The following SLC6A15 variants were observed in gnomAD, a reference collection of about 807,000 sequenced individuals.
SLC6A15 encodes solute carrier family 6 member 15, also known as sodium-dependent neutral amino acid transporter B(0)AT2.
SLC6A15 carries 33 observed loss-of-function variants against 68.5 expected under a neutral mutation model. That is an observed-to-expected ratio of 0.48 (90% CI 0.37 to 0.64). SLC6A15 has a LOEUF of 0.64. Ranked by LOEUF, SLC6A15 falls within the 30% of genes least tolerant of loss-of-function variation. The pLI, the probability that SLC6A15 is intolerant of heterozygous loss-of-function variation, is 0.00. For missense variants in SLC6A15, 747 were observed against 874.3 expected (o/e 0.85, Z 1.84); for synonymous variants, 347 against 301.0 (o/e 1.15, Z -1.58).
At chr12:84,862,124 T>G (rs977629754) in intron 11 of SLC6A15, 118 bp from the exon 12 acceptor site, 3 of 1,047,194 alleles carry the variant, frequency 2.9e-6, no homozygotes, top group Non-Finnish European at 4.1e-6. Flanking sequence ...TGACTTGCTT[T>G]GACCAATAGA....
intron 1 of SLC6A15, among the ~76,000 whole-genome samples, chr12:84,893,419 T>C (rs1016521): frequency 0.26 from 40,080 of 152,006 alleles, 5,740 homozygotes; most frequent in Middle Eastern, 0.44. Flanking sequence ...TGGGATTTTT[T>C]TTTTCCTTTC....
At chr12:84,887,925 A>C (rs117977036) in intron 2 of SLC6A15, among the ~76,000 whole-genome samples, 1 of 152,108 alleles carries the variant, frequency 6.6e-6, no homozygotes, top group Non-Finnish European at 1.5e-5. Context: ...AAAAGTTATT[A>C]TATGAAAAAG....
chr12:84,895,296 C>G (rs1304669302), intron 1 of SLC6A15, among the ~76,000 whole-genome samples: 1 of 146,030 alleles, frequency 6.8e-6, no homozygotes, highest in Non-Finnish European at 1.5e-5. Context: ...GATCATATAA[C>G]TAAACAAGTA....
chr12:84,906,867 C>T (rs1873181665), intron 1 of SLC6A15, among the ~76,000 whole-genome samples: 1 of 151,418 alleles, frequency 6.6e-6, no homozygotes, highest in African/African-American at 2.4e-5. Flanking sequence ...TAGGGTTAAC[C>T]AAAGAGCTCT....
intron 10 of SLC6A15, among the ~76,000 whole-genome samples, chr12:84,864,834 A>G (rs1260229990): frequency 6.6e-6 from 1 of 152,160 alleles, no homozygotes; most frequent in East Asian, 1.9e-4. Context: ...TTCCAAAAAT[A>G]TAATATAATA....
rs1395602309 is a variant in SLC6A15, at chr12:84,885,896, C to A, written c.447+15G>T. ...CTATAAAGATTACAGCATACACCAA[C>A]AAAAGGAAACTTACTACACAACTTG... On this transcript the variant is annotated intron_variant, in intron 3 of 11. Transcript: ENST00000266682. The A allele has an allele frequency of 1.3e-6, 2 of 1,594,252 alleles. No homozygotes were observed. The highest frequency in any genetic ancestry group is 2.3e-5 in the South Asian group (2 of 87,292).
At chr12:84,891,525 A>C (rs1458660631) in intron 2 of SLC6A15, among the ~76,000 whole-genome samples, 16 of 152,190 alleles carry the variant, frequency 1.1e-4, no homozygotes, top group Non-Finnish European at 4.4e-5. Flanking sequence ...AATAATTTAC[A>C]AGCACAAACG....
Position 84,870,582 on chromosome 12 carries a change from A to G in SLC6A15, c.1391T>C (p.Phe464Ser). Reference sequence around the variant, plus strand: ...AAGGCCTAGATTGACCAGCATGAGGAAAAACATCACTGACCAGAAGGGAGA... The same window carrying G: ...AAGGCCTAGATTGACCAGCATGAGGGAAAACATCACTGACCAGAAGGGAGA... The part of the protein sequence containing the change: ...PASPFWSVMF[F>S]LMLVNLGLGS... The change falls in exon 9 of 12, where the codon TTC becomes TCC. Residue 464 changes from phenylalanine (F) to serine (S), a missense_variant. Transcript: ENST00000266682. The G allele has an allele frequency of 6.2e-7, 1 of 1,612,850 alleles. No homozygotes were observed. Among genetic ancestry groups the G allele is most frequent in the Admixed American group, 1.7e-5 (1 of 59,832 alleles).
chr12:84,908,496 C>T (rs141994891), intron 1 of SLC6A15, among the ~76,000 whole-genome samples: 3 of 151,142 alleles, frequency 2.0e-5, no homozygotes, highest in African/African-American at 7.3e-5. Context: ...AAAACTCTAC[C>T]AAAGGTGTTT....
intron 6 of SLC6A15, 24 bp downstream of exon 6, chr12:84,876,473 C>A (rs772033765): frequency 1.7e-6 from 2 of 1,170,698 alleles, no homozygotes; most frequent in Non-Finnish European, 2.5e-6. Context: ...GATCATAAGC[C>A]TTAAATAGAA....
In SLC6A15 at chr12:84,876,583, G is replaced by C. The variant is rs1871557471; in HGVS notation, c.781C>G (p.Pro261Ala). 1 of 1,573,542 alleles carries C rather than the reference G, an allele frequency of 6.4e-7. No homozygotes were observed. The highest frequency in any genetic ancestry group is 1.8e-5 in the Admixed American group (1 of 54,736). The stretch of plus-strand genomic sequence containing the variant: ...AGGAAGCAAATAAGTACCACATATG[G>C]AAACAGAGAACTAAAATATATGATC... ...GKIIYFSSLFPYVVLICFLIR... is the reference protein window; with the variant it reads ...GKIIYFSSLFAYVVLICFLIR... The change falls in exon 6 of 12, where the codon CCA becomes GCA. Residue 261 changes from proline to alanine, a missense_variant. Pro to Ala is a conservative substitution (Grantham distance 27, BLOSUM62 -1). Coordinates refer to ENST00000266682, the MANE Select transcript of SLC6A15 (RefSeq NM_182767.6).
At chr12:84,910,928 C>CGTGTGTGTGT (rs34335324) in intron 1 of SLC6A15, among the ~76,000 whole-genome samples, 28 of 143,546 alleles carry the variant, frequency 2.0e-4, no homozygotes, top group Middle Eastern at 3.5e-3. Flanking sequence ...GCCCTCTTTC[C>CGTGTGTGTGT]GTGTGTGTGT....
intron 4 of SLC6A15, among the ~76,000 whole-genome samples, chr12:84,884,947 C>A (rs978120475): frequency 6.6e-6 from 1 of 151,512 alleles, no homozygotes; most frequent in African/African-American, 2.4e-5. Flanking sequence ...TATATCTGTG[C>A]ATTACAATCT....
At chr12:84,875,782 G>T (rs1397984253) in intron 6 of SLC6A15, among the ~76,000 whole-genome samples, 1 of 146,198 alleles carries the variant, frequency 6.8e-6, no homozygotes, top group Non-Finnish European at 1.5e-5. Context: ...GGTTAAGTGG[G>T]CCCACCGTTG....
intron 2 of SLC6A15, among the ~76,000 whole-genome samples, chr12:84,888,098 G>A (rs2123187): frequency 0.018 from 2,575 of 145,000 alleles, 62 homozygotes; most frequent in African/African-American, 0.06. Context: ...AAAAAACAAA[G>A]GAAAAAAAAA....
intron 1 of SLC6A15, among the ~76,000 whole-genome samples, chr12:84,903,132 A>G (rs538934286): frequency 2.6e-5 from 4 of 152,188 alleles, no homozygotes; most frequent in Admixed American, 2.6e-4. Context: ...TTCAAAATTA[A>G]TTATAATCAT....
At chr12:84,879,953 T>A (rs775047630) in intron 5 of SLC6A15, among the ~76,000 whole-genome samples, 1 of 152,188 alleles carries the variant, frequency 6.6e-6, no homozygotes, top group African/African-American at 2.4e-5. Context: ...TGCAAGCTTA[T>A]GGTTATTCTG....
At chr12:84,900,722 T>C (rs1872821931) in intron 1 of SLC6A15, among the ~76,000 whole-genome samples, 1 of 151,748 alleles carries the variant, frequency 6.6e-6, no homozygotes, top group East Asian at 1.9e-4. Context: ...TCTTCATCTA[T>C]TCATATGGAG....
At chr12:84,869,544 T>C (rs1031928459) in intron 9 of SLC6A15, among the ~76,000 whole-genome samples, 1 of 151,928 alleles carries the variant, frequency 6.6e-6, no homozygotes, top group Non-Finnish European at 1.5e-5. Context: ...ACAAAATTTG[T>C]ATCCAATCTT....
Sources: allele counts gnomAD v4.1 joint callset (sites outside exome capture counted in the v4.1 genomes callset), GRCh38; gene constraint gnomAD v4.1.1; transcripts MANE v1.5; gene names NCBI Gene and HGNC (gene_info 2026-07-23, HGNC 2026-07-21).